Variants in PTPRT observed in about 807,000 individuals in gnomAD.
PTPRT encodes the protein receptor-type tyrosine-protein phosphatase T.
In PTPRT, 56 loss-of-function variants were observed where a neutral mutation model predicts 176.8. That is an observed-to-expected ratio of 0.32 (90% CI 0.26 to 0.40). The LOEUF is 0.40. PTPRT is among the 10% of genes least tolerant of loss of function. The pLI, the probability that PTPRT is intolerant of heterozygous loss-of-function variation, is 1.00. For missense variants in PTPRT, 1,540 were observed against 1,908.2 expected (o/e 0.81, Z 3.60); for synonymous variants, 783 against 739.0 (o/e 1.06, Z -0.96).
intron 27 of PTPRT, among the ~76,000 whole-genome samples, chr20:42,096,775 T>A (rs1334306952): frequency 5.0e-5 from 7 of 141,162 alleles, no homozygotes; most frequent in African/African-American, 1.8e-4. Flanking sequence ...TTTTTTTTTT[T>A]TTTTTGTAGA....
intron 1 of PTPRT, among the ~76,000 whole-genome samples, chr20:43,027,789 G>A (rs1985976097): frequency 6.6e-6 from 1 of 152,138 alleles, no homozygotes; most frequent in African/African-American, 2.4e-5. Context: ...ACCTACATGT[G>A]TAACTCACTT....
intron 7 of PTPRT, among the ~76,000 whole-genome samples, chr20:42,568,450 C>T (rs1020109755): frequency 1.1e-4 from 17 of 152,298 alleles, no homozygotes; most frequent in African/African-American, 3.8e-4. Context: ...CTGCTCACTT[C>T]GTAAGTGGAG....
At chr20:42,596,710 TA>T (rs896953676) in intron 7 of PTPRT, among the ~76,000 whole-genome samples, 29 of 152,232 alleles carry the variant, frequency 1.9e-4, no homozygotes, top group African/African-American at 6.8e-4. Context: ...AATGAATTTT[TA>T]AAACGAAAAA....
chr20:42,512,514 T>G (rs2071977132), intron 7 of PTPRT, among the ~76,000 whole-genome samples: 1 of 152,136 alleles, frequency 6.6e-6, no homozygotes, highest in African/African-American at 2.4e-5. Context: ...ATGTACCACA[T>G]CTCCTTTATC....
At chr20:42,255,251 T>C (rs2056618147) in intron 13 of PTPRT, among the ~76,000 whole-genome samples, 1 of 152,252 alleles carries the variant, frequency 6.6e-6, no homozygotes, top group Admixed American at 6.5e-5. Context: ...TGATCAAACC[T>C]GTTAACCGCA....
At chr20:42,051,923 T>G in the PTPRT span, among the ~76,000 whole-genome samples, 1 of 152,196 alleles carries the variant, frequency 6.6e-6, no homozygotes, top group African/African-American at 2.4e-5. Flanking sequence ...CCCAGATTGT[T>G]TAGCTCCTGA....
chr20:42,082,070 T>C (rs1983384977), intron 29 of PTPRT, 53 bp from the exon 30 acceptor site: 1 of 1,611,350 alleles, frequency 6.2e-7, no homozygotes, highest in Admixed American at 1.7e-5. Context: ...TCCAGGCACC[T>C]GATGATTCTA....
At chr20:42,635,155 T>C (rs772527897) in intron 7 of PTPRT, among the ~76,000 whole-genome samples, 4 of 152,154 alleles carry the variant, frequency 2.6e-5, no homozygotes, top group Admixed American at 6.6e-5. Flanking sequence ...CTGAGAGGTT[T>C]CATAACAAGT....
intron 7 of PTPRT, among the ~76,000 whole-genome samples, chr20:42,517,656 C>T (rs956618661): frequency 2.0e-5 from 3 of 151,978 alleles, no homozygotes; most frequent in African/African-American, 7.2e-5. Flanking sequence ...ACTGCTTTAA[C>T]TGCATTTCAC....
At chr20:42,294,409 G>T (rs1246607703) in intron 12 of PTPRT, among the ~76,000 whole-genome samples, 1 of 151,948 alleles carries the variant, frequency 6.6e-6, no homozygotes, top group Non-Finnish European at 1.5e-5. Context: ...AGGAAAAAAG[G>T]AAGCAAAGTG....
At chr20:42,706,600 A>G (rs2076063683) in intron 6 of PTPRT, among the ~76,000 whole-genome samples, 1 of 152,202 alleles carries the variant, frequency 6.6e-6, no homozygotes, top group Non-Finnish European at 1.5e-5. Flanking sequence ...CATTTTAAAA[A>G]TTTAGTTTCT....
At chr20:42,035,943 A>G in the PTPRT span, among the ~76,000 whole-genome samples, 1 of 152,196 alleles carries the variant, frequency 6.6e-6, no homozygotes, top group Non-Finnish European at 1.5e-5. Flanking sequence ...AGACCTTGAG[A>G]CAAGGGTTTG....
chr20:42,769,561 G>A lies in PTPRT; in HGVS notation c.684+1874C>T, dbSNP rs561422216. ...GTACAACCATTTTTTCAAACAGCTCGTTGTTCTTTAAAGTTAAACATATAT... is the reference window on the plus strand; with the variant it reads ...GTACAACCATTTTTTCAAACAGCTCATTGTTCTTTAAAGTTAAACATATAT... On this transcript the variant is annotated intron_variant, in intron 5 of 30. Transcript: ENST00000373187. 9.2e-5 allele frequency among the ~76,000 whole-genome samples: 14 copies of A among 152,240 alleles called. No individual in the cohort carries two copies. The South Asian group carries it at 2.3e-3, about 25-fold the overall frequency.
intron 2 of PTPRT, among the ~76,000 whole-genome samples, chr20:42,859,049 G>A (rs1225010602): frequency 6.6e-6 from 1 of 152,140 alleles, no homozygotes; most frequent in African/African-American, 2.4e-5. Context: ...GTGCCTCAAT[G>A]AGCTGCAGCG....
intron 1 of PTPRT, among the ~76,000 whole-genome samples, chr20:43,001,580 C>T (rs1204063881): frequency 6.6e-6 from 1 of 151,176 alleles, no homozygotes; most frequent in Non-Finnish European, 1.5e-5. Context: ...AATCCAAAAC[C>T]AATAAAAACA....
chr20:42,768,188 G>A (rs2145448446), intron 5 of PTPRT, among the ~76,000 whole-genome samples: 1 of 152,180 alleles, frequency 6.6e-6, no homozygotes, highest in East Asian at 1.9e-4. Context: ...AATATTTAGG[G>A]AAGTTTCCTT....
chr20:42,648,881 T>G (rs1452939476), intron 7 of PTPRT, among the ~76,000 whole-genome samples: 1 of 146,126 alleles, frequency 6.8e-6, no homozygotes, highest in Non-Finnish European at 1.5e-5. Flanking sequence ...TGCAGTGGTG[T>G]AATCTCAGCT....
At chr20:42,554,514 A>G (rs2072827116) in intron 7 of PTPRT, among the ~76,000 whole-genome samples, 1 of 152,154 alleles carries the variant, frequency 6.6e-6, no homozygotes, top group African/African-American at 2.4e-5. Context: ...AATTGCCTAC[A>G]AGAGTAACAG....
At chr20:43,112,850 G>GT (rs1257574260) in intron 1 of PTPRT, among the ~76,000 whole-genome samples, 2 of 151,968 alleles carry the variant, frequency 1.3e-5, no homozygotes, top group African/African-American at 4.8e-5. Context: ...TGATATAAAC[G>GT]TATCTCGTGG....
Sources: gnomAD v4.1 joint callset for allele counts (sites outside exome capture counted in the v4.1 genomes callset) on GRCh38, gnomAD v4.1.1 for gene constraint, MANE v1.5 for transcripts, NCBI Gene and HGNC (gene_info 2026-07-23, HGNC 2026-07-21) for gene names.